The following CEP192 variants were observed in gnomAD, a reference collection of about 807,000 sequenced individuals.
The protein encoded by CEP192 is centrosomal protein of 192 kDa.
A neutral mutation model predicts 271.8 loss-of-function variants in CEP192; 151 were observed. The ratio of observed to expected loss-of-function variants is 0.56; its 90% CI spans 0.49 to 0.64. The LOEUF (loss-of-function observed/expected upper bound fraction) is 0.64, where lower values mean the gene tolerates loss of function less well. CEP192 is among the 30% of genes least tolerant of loss of function. The probability of loss-of-function intolerance (pLI) is 0.00; values close to 1 mark genes in which losing one functional copy is unlikely to be tolerated. For synonymous variants in CEP192, 995 were observed against 1,076.5 expected (o/e 0.92, Z 1.48); for missense variants, 2,910 against 3,020.5 (o/e 0.96, Z 0.86).
Position 13,030,447 on chromosome 18 carries a change from G to T in CEP192, c.1391-18G>T. On this transcript the variant is annotated intron_variant, in intron 10 of 44. Coordinates refer to ENST00000506447, the MANE Select transcript of CEP192 (RefSeq NM_032142.4). ...TGTTACATGTGTCATTTGATATTTT[G>T]GGAATTTTATTTTTTAGAAACAGAT... The T allele has an allele frequency of 6.5e-7, 1 of 1,532,120 alleles. No homozygotes were observed. The highest frequency in any genetic ancestry group is 1.2e-5 in the South Asian group (1 of 81,530). The allele number at this position is 1,532,120 out of a possible 1,614,324, so 94.9% of individuals were successfully genotyped here. A position where few individuals can be genotyped will look rare whatever the true frequency, so the allele number is the denominator to read the frequency against.
chr18:13,068,908 C>T lies in CEP192; in HGVS notation c.4879C>T (p.Pro1627Ser), dbSNP rs1598502771. 1.2e-6 allele frequency: 2 copies of T among 1,614,106 alleles called. No individual in the cohort carries two copies. Among genetic ancestry groups the T allele is most frequent in the Non-Finnish European group, 1.7e-6 (2 of 1,180,004 alleles). Residue 1627 changes from proline (P) to serine (S), a missense_variant, in exon 25 of 45, where the codon CCA becomes TCA. By Grantham distance (74) the Pro-to-Ser change is moderately conservative (BLOSUM62 -1). Transcript: ENST00000506447. ...SAKVDIEVDS[P>S]NPTPVLRSVS... ...AAAAGTTGATATCGAAGTTGACAGC[C>T]CAAACCCTACGCCCGTTCTTAGAAG...
intron 30 of CEP192, among the ~76,000 whole-genome samples, chr18:13,082,279 C>T (rs1012299935): frequency 1.3e-5 from 2 of 152,114 alleles, no homozygotes; most frequent in African/African-American, 4.8e-5. Context: ...CTTTACGAAT[C>T]TGGGTGCTCC....
At chr18:13,019,591 A>G (rs1429750230) in intron 9 of CEP192, among the ~76,000 whole-genome samples, 1 of 152,156 alleles carries the variant, frequency 6.6e-6, no homozygotes, top group Non-Finnish European at 1.5e-5. Context: ...TTTCTGACTC[A>G]TACCTATTCA....
chr18:13,092,912 T>C (rs751891472), intron 34 of CEP192, among the ~76,000 whole-genome samples: 2 of 152,062 alleles, frequency 1.3e-5, no homozygotes, highest in African/African-American at 2.4e-5. Context: ...CCCAGCACTT[T>C]GGGAGGCCAA....
At chr18:13,056,845 T>C in intron 19 of CEP192, 147 bp downstream of exon 19, 1 of 726,710 alleles carries the variant, frequency 1.4e-6, no homozygotes, top group Non-Finnish European at 2.3e-6. Context: ...CGTGTATTTC[T>C]GTGCAAGCGT....
At chr18:13,115,719 A>T (rs1455242837) in intron 42 of CEP192, among the ~76,000 whole-genome samples, 6 of 152,164 alleles carry the variant, frequency 3.9e-5, no homozygotes, top group African/African-American at 1.4e-4. Context: ...TTCAGCAAAC[A>T]CAAGTGGAGG....
chr18:13,055,192 T>G (rs941380724), intron 18 of CEP192, among the ~76,000 whole-genome samples: 1 of 150,262 alleles, frequency 6.7e-6, no homozygotes, highest in African/African-American at 2.5e-5. Context: ...GGCAGGAAAA[T>G]GGCTTGAACC....
chr18:13,010,267 T>C (rs1002853279), intron 4 of CEP192, among the ~76,000 whole-genome samples: 1 of 152,230 alleles, frequency 6.6e-6, no homozygotes, highest in African/African-American at 2.4e-5. Context: ...AAGCTGGAAA[T>C]TGAAAAGTAC....
At chr18:13,069,226 CTG>C in intron 26 of CEP192, 45 bp downstream of exon 26, 1 of 1,484,916 alleles carries the variant, frequency 6.7e-7, no homozygotes, top group Non-Finnish European at 9.4e-7. Context: ...TTTCCTCAGA[CTG>C]TGAGAGCTCC....
At position 13,038,543 on chromosome 18, in the gene CEP192, T is replaced by C. The variant is rs1163463950; in HGVS notation, c.1773T>C (p.Ala591=). 1.9e-6 allele frequency: 3 copies of C among 1,551,702 alleles called. No individual in the cohort carries two copies. Among genetic ancestry groups the C allele is most frequent in the Admixed American group, 3.9e-5 (2 of 51,010 alleles). ...AGTTCTTTGCTCAAAGATCTGAAGC[T>C]CTTGGTTGCCTTGGTGGTGGTAACA... ...LGEFFAQRSE[A]LGCLGGGNNV... is the part of the protein sequence containing the mutation. Residue 591 remains alanine (A), a synonymous_variant, in exon 13 of 45, where the codon GCT becomes GCC. Transcript: ENST00000506447.
At chr18:13,101,609 C>T (rs1174229880) in intron 38 of CEP192, among the ~76,000 whole-genome samples, 4 of 152,140 alleles carry the variant, frequency 2.6e-5, no homozygotes, top group Non-Finnish European at 4.4e-5. Flanking sequence ...GGGTGCATCT[C>T]TCACCTGCCC....
At position 13,100,346 on chromosome 18, in the gene CEP192, G is replaced by A; in HGVS notation, c.6705G>A (p.Val2235=). The stretch of plus-strand genomic sequence containing the variant: ...AAATTCGAGAAGATTTAACTCAAGT[G>A]GAACTTTTAACTCGTTTGACCTCCA... ...KVQIREDLTQ[V]ELLTRLTSKP... is the part of the protein sequence containing the mutation. The change falls in exon 38 of 45, where the codon GTG becomes GTA. Residue 2235 remains valine (V), a synonymous_variant. Coordinates refer to ENST00000506447, the MANE Select transcript of CEP192 (RefSeq NM_032142.4). 1.9e-6 allele frequency: 3 copies of A among 1,614,052 alleles called. No homozygotes were observed. The highest frequency in any genetic ancestry group is 2.5e-6 in the Non-Finnish European group (3 of 1,179,966).
chr18:13,049,626 C>A lies in CEP192; in HGVS notation c.2835C>A (p.Asn945Lys). The A allele has an allele frequency of 6.2e-7, 1 of 1,613,210 alleles. No homozygotes were observed. The highest frequency in any genetic ancestry group is 8.5e-7 in the Non-Finnish European group (1 of 1,179,758). Residue 945 changes from asparagine (N) to lysine (K), a missense_variant, in exon 16 of 45, where the codon AAC becomes AAA. Coordinates refer to ENST00000506447, the MANE Select transcript of CEP192 (RefSeq NM_032142.4). ...ATGAGTGTGTCAGTGAAATAAGCAA[C>A]AGTGAGAAGCATGTGACTTTTGAAA... Reference protein sequence around the residue: ...RQNECVSEISNSEKHVTFENH... With the variant: ...RQNECVSEISKSEKHVTFENH...
At chr18:13,100,774 C>A (rs1489988562) in intron 38 of CEP192, among the ~76,000 whole-genome samples, 1 of 152,130 alleles carries the variant, frequency 6.6e-6, no homozygotes, top group Non-Finnish European at 1.5e-5. Context: ...GCAACTGTCA[C>A]CAGATCTTGA....
intron 15 of CEP192, 126 bp from the exon 16 acceptor site, chr18:13,048,733 T>C (rs778913645): frequency 3.5e-4 from 228 of 642,852 alleles, no homozygotes; most frequent in Non-Finnish European, 2.4e-4. Context: ...TCGGATTTGG[T>C]ACTATCTGAG....
At chr18:13,123,129 AT>A (rs547534357) in intron 44 of CEP192, among the ~76,000 whole-genome samples, 127 of 152,262 alleles carry the variant, frequency 8.3e-4, no homozygotes, top group African/African-American at 3.0e-3. Context: ...GGGCTATTTT[AT>A]TATTTTTACT....
intron 19 of CEP192, 121 bp from the exon 20 acceptor site, chr18:13,057,464 C>T: frequency 1.5e-5 from 17 of 1,105,410 alleles, no homozygotes; most frequent in Non-Finnish European, 2.1e-5. Flanking sequence ...ATCTGGAGCA[C>T]TTTGACTCTA....
chr18:13,001,415 T>G (rs1198993220), intron 2 of CEP192, 42 bp from the exon 3 acceptor site: 1 of 1,376,866 alleles, frequency 7.3e-7, no homozygotes. Context: ...TAAATATGTG[T>G]AATTTAATTC....
chr18:13,117,865 G>A (rs1309834556), intron 44 of CEP192, among the ~76,000 whole-genome samples: 1 of 152,222 alleles, frequency 6.6e-6, no homozygotes, highest in Non-Finnish European at 1.5e-5. Context: ...ACAGTGCACA[G>A]CATTTGGGCT....
Sources: gnomAD v4.1 joint callset for allele counts (sites outside exome capture counted in the v4.1 genomes callset) on GRCh38, gnomAD v4.1.1 for gene constraint, MANE v1.5 for transcripts, NCBI Gene and HGNC (gene_info 2026-07-23, HGNC 2026-07-21) for gene names.